The following HNF1B variants were observed in gnomAD, a reference collection of about 807,000 sequenced individuals.
HNF1B encodes HNF1 homeobox B.
HNF1B carries 8 observed loss-of-function variants against 61.7 expected under a neutral mutation model. The ratio of observed to expected loss-of-function variants is 0.13; its 90% CI spans 0.08 to 0.23. The LOEUF (loss-of-function observed/expected upper bound fraction) is 0.23, where lower values mean the gene tolerates loss of function less well. Ranked by LOEUF, HNF1B falls within the 10% of genes least tolerant of loss-of-function variation. HNF1B has a pLI of 1.00. For synonymous variants in HNF1B, 314 were observed against 287.7 expected (o/e 1.09, Z -0.93); for missense variants, 562 against 714.5 (o/e 0.79, Z 2.43).
chr17:37,695,767 C>A (rs2032363176), intron 8 of HNF1B, among the ~76,000 whole-genome samples: 1 of 152,166 alleles, frequency 6.6e-6, no homozygotes, highest in African/African-American at 2.4e-5. Flanking sequence ...CAATTTATTT[C>A]TTTTGGGATG....
intron 5 of HNF1B, among the ~76,000 whole-genome samples, chr17:37,710,051 C>G (rs930737329): frequency 1.3e-5 from 2 of 152,212 alleles, no homozygotes; most frequent in Non-Finnish European, 2.9e-5. Flanking sequence ...TCCACTACAT[C>G]CTGACTTGCT....
chr17:37,690,485 T>C (rs969241276), intron 8 of HNF1B, among the ~76,000 whole-genome samples: 1 of 152,020 alleles, frequency 6.6e-6, no homozygotes, highest in Admixed American at 6.6e-5. Flanking sequence ...AGGGTGGAAG[T>C]GGGAGACAGG....
rs17841466 is a variant in HNF1B, at chr17:37,703,717, T to C, written c.1339+1200A>G. On this transcript the variant is annotated intron_variant, in intron 6 of 8. Coordinates refer to ENST00000617811, the MANE Select transcript of HNF1B (RefSeq NM_000458.4). ...TGCTTCCCCATTCCCATTTTCCTTC[T>C]GCCAAAATCAATGCACTGTGTGTCA... Among the ~76,000 whole-genome samples, 612 of 152,308 alleles carry C rather than the reference T, an allele frequency of 4.0e-3. 2 individuals carry two copies. The highest frequency in any genetic ancestry group is 7.1e-3 in the Non-Finnish European group (483 of 68,018).
chr17:37,694,807 T>C (rs2032331414), intron 8 of HNF1B, among the ~76,000 whole-genome samples: 2 of 152,164 alleles, frequency 1.3e-5, no homozygotes, highest in African/African-American at 4.8e-5. Context: ...TTCTAAGCGG[T>C]AAAACATTCA....
chr17:37,705,512 T>C (rs1200007357), intron 5 of HNF1B, among the ~76,000 whole-genome samples: 1 of 152,182 alleles, frequency 6.6e-6, no homozygotes, highest in Admixed American at 6.5e-5. Context: ...TTTTTCCACA[T>C]CTCCAGTACA....
chr17:37,704,303 T>C (rs979852782), intron 6 of HNF1B, among the ~76,000 whole-genome samples: 1 of 152,234 alleles, frequency 6.6e-6, no homozygotes, highest in Non-Finnish European at 1.5e-5. Context: ...AGGCGTGTGA[T>C]GTGCCAAAGC....
In HNF1B at chr17:37,744,919, T is replaced by TTGGGG; in HGVS notation, c.-36_-35insCCCCA. On this transcript the variant is annotated 5_prime_UTR_variant, in exon 1 of 9. Transcript: ENST00000617811. ...ACGGAAAAAGAAGGGGGTGAGGGGGTGGGTGGGTGCGAGAGAGGAGGGTGG... is the reference window on the plus strand; with the variant it reads ...ACGGAAAAAGAAGGGGGTGAGGGGGTTGGGGGGGTGGGTGCGAGAGAGGAGGGTGG... 1 of 378,268 alleles carries TTGGGG rather than the reference T, an allele frequency of 2.6e-6. No individual in the cohort carries two copies. The highest frequency in any genetic ancestry group is 4.1e-4 in the Middle Eastern group (1 of 2,412). The allele number at this position is 378,268 out of a possible 1,614,324, so 23.4% of individuals were successfully genotyped here.
At chr17:37,743,132 C>T (rs987645296) in intron 1 of HNF1B, among the ~76,000 whole-genome samples, 2 of 152,206 alleles carry the variant, frequency 1.3e-5, no homozygotes, top group Non-Finnish European at 2.9e-5. Context: ...TCCAGCGCCG[C>T]GCTAGAAAGC....
Position 37,744,919 on chromosome 17 carries a change from T to TGGTGG in HNF1B, c.-36_-35insCCACC. 2.6e-6 allele frequency: 1 copy of TGGTGG among 378,266 alleles called. No individual in the cohort carries two copies. Among genetic ancestry groups the TGGTGG allele is most frequent in the Non-Finnish European group, 5.1e-6 (1 of 197,306 alleles). 23.4% of individuals were successfully genotyped at this position (378,266 alleles called of 1,614,324 possible). On this transcript the variant is annotated 5_prime_UTR_variant, in exon 1 of 9. Transcript: ENST00000617811. ...ACGGAAAAAGAAGGGGGTGAGGGGG[T>TGGTGG]GGGTGGGTGCGAGAGAGGAGGGTGG...
intron 4 of HNF1B, among the ~76,000 whole-genome samples, chr17:37,712,107 T>C (rs749036504): frequency 1.3e-5 from 2 of 152,200 alleles, no homozygotes; most frequent in African/African-American, 2.4e-5. Flanking sequence ...ACAAAACAAA[T>C]GCTAAAGCTG....
At chr17:37,739,744 T>C in intron 1 of HNF1B, 105 bp from the exon 2 acceptor site, 1 of 1,091,816 alleles carries the variant, frequency 9.2e-7, no homozygotes, top group Non-Finnish European at 1.4e-6. Context: ...TTCTGAATTT[T>C]CCCCCCATCT....
At chr17:37,709,729 T>A (rs1314158897) in intron 5 of HNF1B, among the ~76,000 whole-genome samples, 2 of 152,238 alleles carry the variant, frequency 1.3e-5, no homozygotes, top group Non-Finnish European at 2.9e-5. Context: ...TATTGACTAT[T>A]TTCTATGGCA....
intron 4 of HNF1B, among the ~76,000 whole-genome samples, chr17:37,726,067 T>C (rs1052998656): frequency 6.6e-6 from 1 of 152,102 alleles, no homozygotes; most frequent in Non-Finnish European, 1.5e-5. Flanking sequence ...TCTTTGGCCA[T>C]GATCTCCCAA....
intron 1 of HNF1B, among the ~76,000 whole-genome samples, chr17:37,743,264 C>G (rs893786178): frequency 1.2e-4 from 18 of 152,214 alleles, no homozygotes; most frequent in African/African-American, 4.3e-4. Flanking sequence ...CCCAGCCGCT[C>G]CTAGGGGCCA....
intron 4 of HNF1B, chr17:37,730,036 A>AC (rs1423319368): frequency 9.9e-6 from 1 of 100,980 alleles, no homozygotes; most frequent in Non-Finnish European, 2.0e-5. Flanking sequence ...TAAACCAACG[A>AC]CCCCGTGGTG....
Position 37,724,932 on chromosome 17 carries a change from GTGTGTA to G in HNF1B, c.1045+6657_1045+6662del, listed in dbSNP as rs150367546. ...TGTGTGTGTGTGTGTGTGTGTGTGTGTGTGTATATATATATAATACATATATATGTA... is the reference window on the plus strand; with the variant it reads ...TGTGTGTGTGTGTGTGTGTGTGTGTGTATATATATAATACATATATATGTA... On this transcript the variant is annotated intron_variant, in intron 4 of 8. Transcript: ENST00000617811. 9.2e-3 allele frequency among the ~76,000 whole-genome samples: 685 copies of G among 74,486 alleles called. 3 individuals carry two copies. The highest frequency in any genetic ancestry group is 0.017 in the East Asian group (47 of 2,756). 48.9% of individuals were successfully genotyped at this position (74,486 alleles called of 152,430 possible).
chr17:37,699,014 A>T, intron 8 of HNF1B, 62 bp downstream of exon 8: 1 of 1,172,258 alleles, frequency 8.5e-7, no homozygotes, highest in Non-Finnish European at 1.3e-6. Flanking sequence ...CAACCTCTGC[A>T]CATCCATGGC....
At chr17:37,741,725 T>C (rs1352278599) in intron 1 of HNF1B, among the ~76,000 whole-genome samples, 3 of 152,226 alleles carry the variant, frequency 2.0e-5, no homozygotes, top group Non-Finnish European at 2.9e-5. Flanking sequence ...TTTGTTTAAA[T>C]GCCTTTACCT....
intron 4 of HNF1B, among the ~76,000 whole-genome samples, chr17:37,724,928 GTGTGTGTGTA>G (rs968286415): frequency 0.13 from 18,105 of 139,976 alleles, 1,816 homozygotes; most frequent in African/African-American, 0.33. Context: ...GTGTGTGTGT[GTGTGTGTGTA>G]TATATATATA....
Sources: gnomAD v4.1 joint callset for allele counts (sites outside exome capture counted in the v4.1 genomes callset) on GRCh38, gnomAD v4.1.1 for gene constraint, MANE v1.5 for transcripts, NCBI Gene and HGNC (gene_info 2026-07-23, HGNC 2026-07-21) for gene names.